The following ADAMTSL1 variants were observed in gnomAD, a reference collection of about 807,000 sequenced individuals.
ADAMTSL1 encodes ADAMTS-like protein 1.
In ADAMTSL1, 126 loss-of-function variants were observed where a neutral mutation model predicts 201.8. That is an observed-to-expected ratio of 0.62 (90% CI 0.54 to 0.72). The LOEUF (loss-of-function observed/expected upper bound fraction) is 0.72, where lower values mean the gene tolerates loss of function less well. Ranked by LOEUF, ADAMTSL1 falls within the 30% of genes least tolerant of loss-of-function variation. The pLI is 0.00. For missense variants in ADAMTSL1, 2,679 were observed against 2,277.8 expected (o/e 1.18, Z -3.59); for synonymous variants, 1,121 against 903.4 (o/e 1.24, Z -4.32).
At chr9:18,898,126 T>C (rs548955701) in intron 26 of ADAMTSL1, among the ~76,000 whole-genome samples, 5 of 151,688 alleles carry the variant, frequency 3.3e-5, no homozygotes, top group African/African-American at 1.2e-4. Flanking sequence ...GAAGCAGAGG[T>C]TGCAGTGAGC....
chr9:18,738,708 C>T (rs533414692), intron 15 of ADAMTSL1, among the ~76,000 whole-genome samples: 1 of 152,122 alleles, frequency 6.6e-6, no homozygotes, highest in Non-Finnish European at 1.5e-5. Flanking sequence ...GAATGTGAGG[C>T]TGCATGAAGC....
intron 3 of ADAMTSL1, among the ~76,000 whole-genome samples, chr9:18,549,633 T>C (rs1820677974): frequency 6.6e-6 from 1 of 152,044 alleles, no homozygotes; most frequent in African/African-American, 2.4e-5. Flanking sequence ...TGTCTGGGAC[T>C]ATTGAACTTC....
chr9:18,512,845 G>C (rs2131980239), intron 2 of ADAMTSL1, among the ~76,000 whole-genome samples: 1 of 152,210 alleles, frequency 6.6e-6, no homozygotes, highest in African/African-American at 2.4e-5. Context: ...GCACACAGCA[G>C]ACATTCAAAT....
At chr9:18,803,801 C>G (rs1229362588) in intron 20 of ADAMTSL1, among the ~76,000 whole-genome samples, 1 of 152,068 alleles carries the variant, frequency 6.6e-6, no homozygotes, top group African/African-American at 2.4e-5. Flanking sequence ...GTTTGTATTT[C>G]ATTTTCTATA....
chr9:18,902,038 A>G (rs1830042119), intron 26 of ADAMTSL1, among the ~76,000 whole-genome samples: 1 of 152,264 alleles, frequency 6.6e-6, no homozygotes, highest in Non-Finnish European at 1.5e-5. Context: ...CTATACAGTG[A>G]TAAAAGGGTC....
At chr9:17,951,111 G>A (rs368381122) in intron 1 of ADAMTSL1, among the ~76,000 whole-genome samples, 2 of 152,150 alleles carry the variant, frequency 1.3e-5, no homozygotes, top group African/African-American at 2.4e-5. Context: ...TCCTTGTGGG[G>A]CATCCCATTG....
In ADAMTSL1 at chr9:18,487,877, G is replaced by T. The variant is rs116721254; in HGVS notation, c.63+13582G>T. Among the ~76,000 whole-genome samples, 1,462 of 152,276 alleles carry T rather than the reference G, an allele frequency of 9.6e-3. 23 individuals carry two copies. Among genetic ancestry groups the T allele is most frequent in the African/African-American group, 0.033 (1,380 of 41,548 alleles). On this transcript the variant is annotated intron_variant, in intron 1 of 28. Transcript: ENST00000380548. ...CCAAGTTCATTGCAGTTCACAGCTT[G>T]TACCGTATTTCATCGATCCTAAGAC...
intron 1 of ADAMTSL1, among the ~76,000 whole-genome samples, chr9:17,983,063 TCTTTCTTTC>T (rs1818780151): frequency 1.3e-5 from 1 of 77,128 alleles, no homozygotes. Flanking sequence ...TTCTTTTCTT[TCTTTCTTTC>T]TTTCTTTTTT....
At chr9:18,490,469 C>T (rs1036301815) in intron 1 of ADAMTSL1, among the ~76,000 whole-genome samples, 1 of 152,088 alleles carries the variant, frequency 6.6e-6, no homozygotes, top group Non-Finnish European at 1.5e-5. Context: ...CCCCAAATAG[C>T]GAGCTTGGTT....
At chr9:18,647,280 TTTTC>T (rs1239908937) in intron 7 of ADAMTSL1, among the ~76,000 whole-genome samples, 2 of 152,200 alleles carry the variant, frequency 1.3e-5, no homozygotes, top group Non-Finnish European at 2.9e-5. Context: ...TTCTCTCTTT[TTTTC>T]TTTATTAGTC....
intron 2 of ADAMTSL1, among the ~76,000 whole-genome samples, chr9:18,403,945 G>A (rs949289080): frequency 2.0e-5 from 3 of 152,142 alleles, no homozygotes; most frequent in Non-Finnish European, 4.4e-5. Context: ...AGCCTTTTAT[G>A]TAAAAATATA....
chr9:18,829,740 A>C, intron 22 of ADAMTSL1, 103 bp from the exon 23 acceptor site: 1 of 1,445,438 alleles, frequency 6.9e-7, no homozygotes, highest in Non-Finnish European at 9.5e-7. Flanking sequence ...CCTATCTTAC[A>C]TATACGCATA....
At chr9:18,306,030 T>C (rs1314994956) in intron 2 of ADAMTSL1, among the ~76,000 whole-genome samples, 1 of 152,158 alleles carries the variant, frequency 6.6e-6, no homozygotes, top group Non-Finnish European at 1.5e-5. Flanking sequence ...CAATTTTTAC[T>C]GTTCTGTAGC....
rs533198192 is a variant in ADAMTSL1 at position 18,559,943 on chromosome 9, G to A, written c.238-14087G>A. Among the ~76,000 whole-genome samples, 3 of 152,204 alleles carry A rather than the reference G, an allele frequency of 2.0e-5. No homozygotes were observed. In the East Asian group the frequency reaches 5.8e-4, roughly 29 times the overall value. On this transcript the variant is annotated intron_variant, in intron 3 of 28. Transcript: ENST00000380548. ...TGGGGTTTTCTAAATATACAATTAT[G>A]TCATCTGCAAACAGAGACAATTTGA... is the stretch of plus-strand genomic sequence containing the variant.
At chr9:18,158,043 T>C (rs999694661) in intron 1 of ADAMTSL1, among the ~76,000 whole-genome samples, 1 of 151,960 alleles carries the variant, frequency 6.6e-6, no homozygotes, top group Non-Finnish European at 1.5e-5. Flanking sequence ...GAAGGTTTTC[T>C]AAGTGGACCC....
rs1049350088 is a variant in ADAMTSL1 at position 18,777,371 on chromosome 9, G to A, written c.3142G>A (p.Ala1048Thr). 1.1e-5 allele frequency: 18 copies of A among 1,601,930 alleles called. No individual in the cohort carries two copies. Among genetic ancestry groups the A allele is most frequent in the Admixed American group, 6.8e-5 (4 of 58,464 alleles). The change falls in exon 19 of 29, where the codon GCG becomes ACG. Residue 1048 changes from alanine (A) to threonine (T), a missense_variant. Coordinates refer to ENST00000380548, the MANE Select transcript of ADAMTSL1 (RefSeq NM_001040272.6). The stretch of plus-strand genomic sequence containing the variant: ...GGCCTCGTGGGAGGCGCAGGACTCT[G>A]CGGAAAGGAACACGACCTCGGAGGA... ...LLASWEAQDS[A>T]ERNTTSEEDP...
intron 2 of ADAMTSL1, among the ~76,000 whole-genome samples, chr9:18,320,795 A>G (rs183329793): frequency 6.6e-6 from 1 of 152,146 alleles, no homozygotes. Context: ...AAATAAACTG[A>G]CAAGGGTGTG....
intron 2 of ADAMTSL1, among the ~76,000 whole-genome samples, chr9:18,528,616 A>G (rs987259679): frequency 6.6e-6 from 1 of 152,108 alleles, no homozygotes; most frequent in Non-Finnish European, 1.5e-5. Context: ...ATTAGTGGCC[A>G]TTTGGGTTGA....
intron 23 of ADAMTSL1, among the ~76,000 whole-genome samples, chr9:18,834,956 T>C (rs1236099569): frequency 6.6e-6 from 1 of 152,202 alleles, no homozygotes; most frequent in African/African-American, 2.4e-5. Context: ...TATGCACACA[T>C]AGTTTCATTT....
Sources: gnomAD v4.1 joint callset for allele counts (sites outside exome capture counted in the v4.1 genomes callset) on GRCh38, gnomAD v4.1.1 for gene constraint, MANE v1.5 for transcripts, NCBI Gene and HGNC (gene_info 2026-07-23, HGNC 2026-07-21) for gene names.